Variants in MGST2 observed in about 807,000 individuals in gnomAD.
MGST2 encodes microsomal glutathione S-transferase 2, also known as glutathione peroxidase MGST2.
Under a neutral mutation model 16.6 loss-of-function variants are expected in MGST2, and 9 were observed. The ratio of observed to expected loss-of-function variants is 0.54; its 90% CI spans 0.33 to 0.95. The LOEUF is 0.95. Ranked by LOEUF, MGST2 falls within the 40% of genes least tolerant of loss-of-function variation. MGST2 has a pLI of 0.03. For synonymous variants in MGST2, 79 were observed against 68.0 expected (o/e 1.16, Z -0.79); for missense variants, 159 against 175.1 (o/e 0.91, Z 0.52).
chr4:139,670,904 C>CA (rs111546595), intron 1 of MGST2, among the ~76,000 whole-genome samples: 3,838 of 93,040 alleles, frequency 0.041, 84 homozygotes, highest in African/African-American at 0.097. Flanking sequence ...GACCCTATCT[C>CA]AAAAAAAAAA....
At chr4:139,718,507 G>A (rs571205029) in intron 5 of MGST2, 1 of 152,440 alleles carries the variant, frequency 6.6e-6, no homozygotes, top group South Asian at 2.1e-4. Flanking sequence ...AGAAGTAGAT[G>A]TGACCCACCT....
chr4:139,676,686 A>G (rs1350496700), intron 1 of MGST2, among the ~76,000 whole-genome samples: 1 of 152,252 alleles, frequency 6.6e-6, no homozygotes, highest in Non-Finnish European at 1.5e-5. Flanking sequence ...TGACCAAACA[A>G]CTAGGCACCG....
rs376841280 is a variant in MGST2, at chr4:139,669,565, TCCTA to T, written c.58+3489_58+3492del. Among the ~76,000 whole-genome samples the T allele has an allele frequency of 2.5e-3, 388 of 152,286 alleles. 4 individuals are homozygous for T. Among genetic ancestry groups the T allele is most frequent in the African/African-American group, 8.9e-3 (371 of 41,558 alleles). On this transcript the variant is annotated intron_variant, in intron 1 of 4. Coordinates refer to ENST00000265498, the MANE Select transcript of MGST2 (RefSeq NM_002413.5). ...AGGCGCTCAGCACTGTCAGTTCCCA[TCCTA>T]AGGTCCTTCTTCGAAGAGAGAAGTT... is the stretch of plus-strand genomic sequence containing the variant.
intron 5 of MGST2, among the ~76,000 whole-genome samples, chr4:139,729,417 C>G (rs560534704): frequency 6.6e-6 from 1 of 152,068 alleles, no homozygotes; most frequent in Non-Finnish European, 1.5e-5. Flanking sequence ...GCCAGAAGTT[C>G]GAGACCAGCC....
intron 5 of MGST2, chr4:139,720,411 C>T: frequency 8.1e-7 from 1 of 1,230,632 alleles, no homozygotes; most frequent in Non-Finnish European, 1.1e-6. Flanking sequence ...TTGGGAATGA[C>T]AAAATTCCTT....
chr4:139,750,643 T>C, the MGST2 span, among the ~76,000 whole-genome samples: 94 of 152,310 alleles, frequency 6.2e-4, no homozygotes, highest in African/African-American at 2.2e-3. Context: ...AAGTCTACCC[T>C]CCTGCAGCTG....
At chr4:139,696,318 T>C (rs1726919764) in intron 3 of MGST2, among the ~76,000 whole-genome samples, 1 of 152,210 alleles carries the variant, frequency 6.6e-6, no homozygotes, top group African/African-American at 2.4e-5. Flanking sequence ...CTAAAAATGT[T>C]TCTATATAGT....
the MGST2 span, among the ~76,000 whole-genome samples, chr4:139,745,953 C>T: frequency 6.6e-6 from 1 of 152,212 alleles, no homozygotes; most frequent in African/African-American, 2.4e-5. Context: ...GCTTCCTTAA[C>T]TTGTTTCTCC....
chr4:139,687,176 G>C (rs755038878), intron 2 of MGST2, among the ~76,000 whole-genome samples: 1 of 152,160 alleles, frequency 6.6e-6, no homozygotes, highest in African/African-American at 2.4e-5. Flanking sequence ...AAAAAATGAC[G>C]ATCAATAATC....
intron 5 of MGST2, among the ~76,000 whole-genome samples, chr4:139,732,443 A>C (rs1193628905): frequency 1.3e-5 from 2 of 152,180 alleles, no homozygotes; most frequent in Non-Finnish European, 2.9e-5. Context: ...AGCAAACAAA[A>C]GCCAAACCAA....
downstream of MGST2, among the ~76,000 whole-genome samples, chr4:139,708,906 G>T (rs951981684): frequency 6.0e-5 from 9 of 150,208 alleles, no homozygotes; most frequent in African/African-American, 2.2e-4. Context: ...GGAGGCTGAG[G>T]CAGGAGAATC....
At chr4:139,719,367 C>T (rs769878138) in intron 5 of MGST2, 1 of 1,610,170 alleles carries the variant, frequency 6.2e-7, no homozygotes, top group Non-Finnish European at 8.5e-7. Context: ...ATCCACTCGT[C>T]CCCTGGCCCG....
At chr4:139,714,052 C>T (rs1727840876) in intron 5 of MGST2, among the ~76,000 whole-genome samples, 1 of 152,192 alleles carries the variant, frequency 6.6e-6, no homozygotes, top group African/African-American at 2.4e-5. Context: ...GGTACCACCA[C>T]ATGGTTAAAA....
At chr4:139,702,844 GTTTTTTTTT>G (rs70943436) in intron 3 of MGST2, among the ~76,000 whole-genome samples, 56 of 46,454 alleles carry the variant, frequency 1.2e-3, no homozygotes, top group Middle Eastern at 0.029. Context: ...TGTGTTACTG[GTTTTTTTTT>G]TTTTTTTTTT....
the MGST2 span, among the ~76,000 whole-genome samples, chr4:139,750,130 C>T: frequency 6.6e-6 from 1 of 152,172 alleles, no homozygotes; most frequent in African/African-American, 2.4e-5. Flanking sequence ...GAATTCCAAA[C>T]CCCCAAGATA....
intron 2 of MGST2, among the ~76,000 whole-genome samples, chr4:139,686,577 G>A (rs573967909): frequency 6.6e-6 from 1 of 152,304 alleles, no homozygotes; most frequent in African/African-American, 2.4e-5. Context: ...CTCATGGTCA[G>A]AGCCGTCAGC....
chr4:139,719,713 T>C (rs1195266869), intron 5 of MGST2: 2 of 1,613,760 alleles, frequency 1.2e-6, no homozygotes, highest in South Asian at 1.1e-5. Context: ...CATCCACGAC[T>C]GACTGGCTCA....
chr4:139,738,892 C>T (rs1339525165), intron 5 of MGST2, among the ~76,000 whole-genome samples: 1 of 152,164 alleles, frequency 6.6e-6, no homozygotes, highest in African/African-American at 2.4e-5. Flanking sequence ...GGTATATACA[C>T]AATTACACAC....
At chr4:139,699,229 A>G (rs1727106516) in intron 3 of MGST2, among the ~76,000 whole-genome samples, 1 of 152,254 alleles carries the variant, frequency 6.6e-6, no homozygotes, top group Non-Finnish European at 1.5e-5. Flanking sequence ...ACAGTAGTAC[A>G]GTATTTCTAT....
Sources: allele counts gnomAD v4.1 joint callset (sites outside exome capture counted in the v4.1 genomes callset), GRCh38; gene constraint gnomAD v4.1.1; transcripts MANE v1.5; gene names NCBI Gene and HGNC (gene_info 2026-07-23, HGNC 2026-07-21).